GALNT17: variants seen among roughly 807,000 people sequenced by gnomAD.
GALNT17 encodes the protein polypeptide N-acetylgalactosaminyltransferase 17.
GALNT17 carries 29 observed loss-of-function variants against 63.7 expected under a neutral mutation model. The ratio of observed to expected loss-of-function variants is 0.46; its 90% CI spans 0.34 to 0.62. The LOEUF (loss-of-function observed/expected upper bound fraction) is 0.62, where lower values mean the gene tolerates loss of function less well. Ranked by LOEUF, GALNT17 falls within the 20% of genes least tolerant of loss-of-function variation. The pLI, the probability that GALNT17 is intolerant of heterozygous loss-of-function variation, is 0.01. For synonymous variants in GALNT17, 305 were observed against 318.3 expected, an observed-to-expected ratio of 0.96 and a Z score of 0.45; for missense variants, 603 against 799.6, an observed-to-expected ratio of 0.75 and a Z score of 2.97.
At chr7:71,411,223 C>A (rs1793424247) in intron 3 of GALNT17, among the ~76,000 whole-genome samples, 1 of 152,004 alleles carries the variant, frequency 6.6e-6, no homozygotes. Context: ...TGGGTTCAAG[C>A]GATTCTTCCA....
chr7:71,323,084 G>C (rs1323091727), intron 1 of GALNT17, among the ~76,000 whole-genome samples: 1 of 151,918 alleles, frequency 6.6e-6, no homozygotes, highest in East Asian at 1.9e-4. Flanking sequence ...ATAATGTCTT[G>C]TAATATTTGA....
chr7:71,676,836 A>G (rs893658127), intron 8 of GALNT17, among the ~76,000 whole-genome samples: 3 of 152,180 alleles, frequency 2.0e-5, no homozygotes, highest in African/African-American at 7.2e-5. Context: ...TAGAAGACTT[A>G]GAAGCCACTG....
chr7:71,388,447 G>A (rs1792990203), intron 3 of GALNT17, 46 bp downstream of exon 3: 1 of 1,577,244 alleles, frequency 6.3e-7, no homozygotes, highest in African/African-American at 1.3e-5. Context: ...GACAGCAGGG[G>A]GAAATGCCAC....
At chr7:71,176,307 C>T (rs924247056) in intron 1 of GALNT17, among the ~76,000 whole-genome samples, 3 of 152,114 alleles carry the variant, frequency 2.0e-5, no homozygotes, top group Admixed American at 6.5e-5. Flanking sequence ...ATTATCTCCT[C>T]CTCTTGACGG....
At chr7:71,370,023 G>C (rs1044842740) in intron 2 of GALNT17, among the ~76,000 whole-genome samples, 6 of 152,042 alleles carry the variant, frequency 3.9e-5, no homozygotes, top group Non-Finnish European at 8.8e-5. Flanking sequence ...TAAGTTATTA[G>C]ATTGCTTTAC....
At chr7:71,212,518 C>T (rs1789400338) in intron 1 of GALNT17, among the ~76,000 whole-genome samples, 1 of 152,172 alleles carries the variant, frequency 6.6e-6, no homozygotes, top group Non-Finnish European at 1.5e-5. Flanking sequence ...GAGAAGAGGG[C>T]CACCGTCCAC....
chr7:71,143,982 C>T (rs551027582), intron 1 of GALNT17, among the ~76,000 whole-genome samples: 1 of 152,152 alleles, frequency 6.6e-6, no homozygotes, highest in Non-Finnish European at 1.5e-5. Context: ...CCCTCTGAAC[C>T]TCAGAGTGAT....
intron 1 of GALNT17, among the ~76,000 whole-genome samples, chr7:71,326,422 T>C (rs930816958): frequency 2.0e-5 from 3 of 152,034 alleles, no homozygotes; most frequent in Admixed American, 2.0e-4. Flanking sequence ...TCACCCCCAC[T>C]ACACTCCAGC....
At chr7:71,264,571 C>T (rs1014434661) in intron 1 of GALNT17, among the ~76,000 whole-genome samples, 4 of 152,064 alleles carry the variant, frequency 2.6e-5, no homozygotes, top group African/African-American at 4.8e-5. Context: ...GGTATAGAAT[C>T]AAACTAAGTG....
intron 2 of GALNT17, among the ~76,000 whole-genome samples, chr7:71,348,136 C>T (rs181813315): frequency 1.1e-3 from 166 of 152,130 alleles, no homozygotes; most frequent in Admixed American, 4.6e-3. Context: ...TGGTGGGTGC[C>T]TGTAATCTCA....
intron 5 of GALNT17, among the ~76,000 whole-genome samples, chr7:71,550,934 T>G (rs1220524835): frequency 6.6e-6 from 1 of 152,140 alleles, no homozygotes; most frequent in Non-Finnish European, 1.5e-5. Context: ...ATGATGTATC[T>G]AAGGATAGAT....
chr7:71,324,707 A>G (rs908327899), intron 1 of GALNT17, among the ~76,000 whole-genome samples: 33 of 152,278 alleles, frequency 2.2e-4, no homozygotes, highest in African/African-American at 7.7e-4. Context: ...TTTAAAAAAT[A>G]TTATATTTAT....
chr7:71,207,354 T>G (rs1789291700), intron 1 of GALNT17, among the ~76,000 whole-genome samples: 1 of 152,182 alleles, frequency 6.6e-6, no homozygotes, highest in Admixed American at 6.5e-5. Context: ...TTGGATGTTA[T>G]TTATTATTAT....
chr7:71,514,269 A>C (rs1788411768), intron 5 of GALNT17, among the ~76,000 whole-genome samples: 1 of 152,176 alleles, frequency 6.6e-6, no homozygotes, highest in Admixed American at 6.5e-5. Flanking sequence ...ATGGGAGCAC[A>C]CTGGCGCAGC....
intron 6 of GALNT17, among the ~76,000 whole-genome samples, chr7:71,657,864 GGA>G (rs1303861023): frequency 2.4e-5 from 2 of 84,198 alleles, no homozygotes; most frequent in Middle Eastern, 6.3e-3. Context: ...ATGGATGGAT[GGA>G]TGGATGGATG....
At chr7:71,363,736 G>A (rs548047111) in intron 2 of GALNT17, among the ~76,000 whole-genome samples, 8 of 152,336 alleles carry the variant, frequency 5.3e-5, no homozygotes, top group Non-Finnish European at 7.3e-5. Context: ...GGACAGCCGC[G>A]TGGTGGATAA....
At chr7:71,378,307 G>A (rs533777510) in intron 2 of GALNT17, among the ~76,000 whole-genome samples, 15 of 152,218 alleles carry the variant, frequency 9.9e-5, no homozygotes, top group African/African-American at 2.4e-4. Flanking sequence ...GCGGGGCCTC[G>A]CACCTCTCAG....
At chr7:71,266,012 C>T (rs985693051) in intron 1 of GALNT17, among the ~76,000 whole-genome samples, 1 of 152,102 alleles carries the variant, frequency 6.6e-6, no homozygotes, top group African/African-American at 2.4e-5. Context: ...CATTCCTTTC[C>T]TCTCCTAGCT....
At chr7:71,448,703 A>G (rs1787203286) in intron 5 of GALNT17, among the ~76,000 whole-genome samples, 1 of 152,194 alleles carries the variant, frequency 6.6e-6, no homozygotes, top group Non-Finnish European at 1.5e-5. Flanking sequence ...TGCAAACATA[A>G]TGTTGAATCA....
Sources: gnomAD v4.1 joint callset for allele counts (sites outside exome capture counted in the v4.1 genomes callset) on GRCh38, gnomAD v4.1.1 for gene constraint, MANE v1.5 for transcripts, NCBI Gene and HGNC (gene_info 2026-07-23, HGNC 2026-07-21) for gene names.